Variants in ECM2 observed in about 807,000 individuals in gnomAD.
The protein encoded by ECM2 is extracellular matrix protein 2.
Under a neutral mutation model 67.5 loss-of-function variants are expected in ECM2, and 57 were observed. The ratio of observed to expected loss-of-function variants is 0.84; its 90% CI spans 0.68 to 1.05. ECM2 has a LOEUF of 1.05. ECM2 is among the 50% of genes least tolerant of loss of function. ECM2 has a pLI of 0.00. For synonymous variants in ECM2, 258 were observed against 294.5 expected, an observed-to-expected ratio of 0.88 and a Z score of 1.27; for missense variants, 741 against 822.8, an observed-to-expected ratio of 0.90 and a Z score of 1.22.
In ECM2 at chr9:92,506,553, C is replaced by T. The variant is rs567219944; in HGVS notation, c.1307-863G>A. On this transcript the variant is annotated intron_variant, in intron 6 of 9. Transcript: ENST00000344604. ...AGATTAGGGGATGTTTTCTATTCAA[C>T]CCCCTTCATGGGCATTGCACCGAAT... Among the ~76,000 whole-genome samples, 28 of 152,312 alleles carry T rather than the reference C, an allele frequency of 1.8e-4. No homozygotes were observed. The East Asian group carries it at 5.4e-3, about 29-fold the overall frequency.
At chr9:92,556,380 G>T in the ECM2 span, among the ~76,000 whole-genome samples, 1 of 152,098 alleles carries the variant, frequency 6.6e-6, no homozygotes, top group Non-Finnish European at 1.5e-5. Flanking sequence ...TGGGTGAAAT[G>T]TTCTGTATAT....
the ECM2 span, among the ~76,000 whole-genome samples, chr9:92,547,337 T>C: frequency 6.6e-6 from 1 of 152,220 alleles, no homozygotes; most frequent in East Asian, 1.9e-4. Flanking sequence ...TATGTCCACA[T>C]GAAAACTTGA....
the ECM2 span, among the ~76,000 whole-genome samples, chr9:92,559,054 C>T: frequency 0.038 from 5,765 of 152,230 alleles, 136 homozygotes; most frequent in Middle Eastern, 0.054. Flanking sequence ...GGCTGTCCAC[C>T]TCCCAGCTGC....
chr9:92,542,071 C>A, the ECM2 span, among the ~76,000 whole-genome samples: 1 of 152,106 alleles, frequency 6.6e-6, no homozygotes, highest in Non-Finnish European at 1.5e-5. Context: ...GGATTATAGG[C>A]GTGAGCCACT....
chr9:92,555,214 ATTTTTTTTT>A, the ECM2 span, among the ~76,000 whole-genome samples: 1 of 63,440 alleles, frequency 1.6e-5, no homozygotes, highest in East Asian at 6.1e-4. Context: ...TTTTTTGGAA[ATTTTTTTTT>A]TTTTTTTTTT....
chr9:92,510,488 A>G (rs1563976101), intron 5 of ECM2, among the ~76,000 whole-genome samples: 1 of 152,244 alleles, frequency 6.6e-6, no homozygotes, highest in Non-Finnish European at 1.5e-5. Flanking sequence ...CTACTCCAGA[A>G]AGGTCATAAA....
At position 92,497,457 on chromosome 9, in the gene ECM2, T is replaced by C. The variant is rs544038236; in HGVS notation, c.1932-974A>G. Among the ~76,000 whole-genome samples, 7 of 152,048 alleles carry C rather than the reference T, an allele frequency of 4.6e-5. No homozygotes were observed. The East Asian group carries it at 1.4e-3, about 29-fold the overall frequency. ...CTGACCAACATGGAGAAACCCCGTC[T>C]CTACTGAAAATACAAAATTAGCTGG... On this transcript the variant is annotated intron_variant, in intron 9 of 9. Transcript: ENST00000344604.
rs781597469 is a variant in ECM2, at chr9:92,522,733, T to C, written c.134A>G (p.His45Arg). ...AAGCTGTCTGTTTGATCTGTGCTTG[T>C]GTGAGGTTGAACTTTTCCTCAACCT... ...HRRLRKSSTS[H>R]KHRSNRQLGI... Residue 45 changes from histidine (H) to arginine (R), a missense_variant, in exon 2 of 10, where the codon CAC (histidine) becomes CGC (arginine). By Grantham distance (29) the His-to-Arg change is conservative. Coordinates refer to ENST00000344604, the MANE Select transcript of ECM2 (RefSeq NM_001393.4). The C allele has an allele frequency of 5.0e-6, 8 of 1,614,074 alleles. No individual in the cohort carries two copies. The East Asian group carries it at 1.8e-4, about 36-fold the overall frequency.
the ECM2 span, among the ~76,000 whole-genome samples, chr9:92,545,215 G>A: frequency 6.6e-6 from 1 of 151,956 alleles, no homozygotes; most frequent in South Asian, 2.1e-4. Flanking sequence ...GGCCGGAGCC[G>A]GCTCGGACCT....
rs181974470 is a variant in ECM2, at chr9:92,513,022, G to A, written c.1055-896C>T. 4.7e-4 allele frequency among the ~76,000 whole-genome samples: 72 copies of A among 152,322 alleles called. No individual in the cohort carries two copies. The East Asian group carries it at 0.013, about 28-fold the overall frequency. On this transcript the variant is annotated intron_variant, in intron 4 of 9. Coordinates refer to ENST00000344604, the MANE Select transcript of ECM2 (RefSeq NM_001393.4). Reference sequence around the variant, plus strand: ...TTCTATTATGTTTGACACTGGCAGTGTGCTGTCACAGATGGCCATCTCTGC... The same window carrying A: ...TTCTATTATGTTTGACACTGGCAGTATGCTGTCACAGATGGCCATCTCTGC...
At chr9:92,494,284 A>T, downstream of ECM2, 1 of 727,096 alleles carries the variant, frequency 1.4e-6, no homozygotes, top group Non-Finnish European at 2.2e-6. Flanking sequence ...TTTACAGCTT[A>T]GATTGCCTTA....
At chr9:92,540,163 G>T (rs988082964), upstream of ECM2, among the ~76,000 whole-genome samples, 42 of 152,206 alleles carry the variant, frequency 2.8e-4, no homozygotes, top group Non-Finnish European at 4.7e-4. Flanking sequence ...GATCAGCCGG[G>T]CGCGGTGCCT....
upstream of ECM2, among the ~76,000 whole-genome samples, chr9:92,541,016 C>T (rs1031272943): frequency 3.3e-5 from 5 of 152,006 alleles, no homozygotes; most frequent in Non-Finnish European, 7.4e-5. Context: ...AATCCCAGCA[C>T]TTTGGGAGGC....
chr9:92,532,031 TTTA>T lies in ECM2; in HGVS notation c.-28+3899_-28+3901del, dbSNP rs1379117398. Among the ~76,000 whole-genome samples the T allele has an allele frequency of 6.3e-4, 83 of 130,940 alleles. 18 individuals carry two copies. Among genetic ancestry groups the T allele is most frequent in the African/African-American group, 7.3e-4 (22 of 30,098 alleles). 85.9% of individuals were successfully genotyped at this position (130,940 alleles called of 152,430 possible). ...TTATTTAATGTTTTTTTTTTTTTAT[TTTA>T]TTTTTTTTTTGAGATGAGGTCTCAC... On this transcript the variant is annotated intron_variant, in intron 1 of 9. Transcript: ENST00000344604.
At chr9:92,540,598 C>T (rs1849295071), upstream of ECM2, among the ~76,000 whole-genome samples, 1 of 151,150 alleles carries the variant, frequency 6.6e-6, no homozygotes, top group African/African-American at 2.4e-5. Context: ...TAGTGAAACC[C>T]CGTCTCTACT....
At chr9:92,510,061 T>C in intron 5 of ECM2, 27 bp from the exon 6 acceptor site, 1 of 1,582,852 alleles carries the variant, frequency 6.3e-7, no homozygotes, top group Non-Finnish European at 8.5e-7. Context: ...CAAAGTTACT[T>C]TTTTATCTAG....
the ECM2 span, among the ~76,000 whole-genome samples, chr9:92,545,029 A>G: frequency 6.6e-6 from 1 of 152,188 alleles, no homozygotes; most frequent in Non-Finnish European, 1.5e-5. Flanking sequence ...CATCTTACAA[A>G]TTCTTAAAGC....
In ECM2 at chr9:92,501,051, T is replaced by C; in HGVS notation, c.1607A>G (p.Asn536Ser). ...GTAGGAGAGATCAATGGATTCTAGA[T>C]TTCTGCAGCAAAGAAAAAAGTAAAC... is the stretch of plus-strand genomic sequence containing the variant. Reference protein sequence around the residue: ...IAPLAWINQENLESIDLSYNK... With the variant: ...IAPLAWINQESLESIDLSYNK... Residue 536 changes from asparagine to serine, a missense_variant and splice_region_variant, in exon 9 of 10, where the codon AAT (asparagine) becomes AGT (serine). Physicochemically the swap from Asn to Ser is conservative, Grantham distance 46. Coordinates refer to ENST00000344604, the MANE Select transcript of ECM2 (RefSeq NM_001393.4). The C allele has an allele frequency of 6.2e-7, 1 of 1,609,994 alleles. No individual in the cohort carries two copies. Among genetic ancestry groups the C allele is most frequent in the Non-Finnish European group, 8.5e-7 (1 of 1,176,674 alleles).
chr9:92,551,575 G>A, the ECM2 span, among the ~76,000 whole-genome samples: 1 of 151,914 alleles, frequency 6.6e-6, no homozygotes, highest in Non-Finnish European at 1.5e-5. Context: ...TTGGTTACAT[G>A]AGTAAGTTGT....
Sources: gnomAD v4.1 joint callset for allele counts (sites outside exome capture counted in the v4.1 genomes callset) on GRCh38, gnomAD v4.1.1 for gene constraint, MANE v1.5 for transcripts, NCBI Gene and HGNC (gene_info 2026-07-23, HGNC 2026-07-21) for gene names.